L2HGDH: variants seen among roughly 807,000 people sequenced by gnomAD.
L2HGDH encodes L-2-hydroxyglutarate dehydrogenase.
Under a neutral mutation model 51.5 loss-of-function variants are expected in L2HGDH, and 34 were observed. That is an observed-to-expected ratio of 0.66 (90% CI 0.50 to 0.88). The LOEUF (loss-of-function observed/expected upper bound fraction) is 0.88, where lower values mean the gene tolerates loss of function less well. Ranked by LOEUF, L2HGDH falls within the 40% of genes least tolerant of loss-of-function variation. The pLI, the probability that L2HGDH is intolerant of heterozygous loss-of-function variation, is 0.00. For missense variants in L2HGDH, 558 were observed against 571.9 expected (o/e 0.98, Z 0.25); for synonymous variants, 198 against 197.9 (o/e 1.00, Z -0.01).
rs772708646 is a variant in L2HGDH at position 50,283,420 on chromosome 14, A to AC, written c.703+450dup. ...CATTCAGTCTGCACCTTCTGTACCT[A>AC]CCTCTGGTTCTGCACCATACTCTAG... is the stretch of plus-strand genomic sequence containing the variant. On this transcript the variant is annotated intron_variant, in intron 5 of 9. Coordinates refer to ENST00000267436, the MANE Select transcript of L2HGDH (RefSeq NM_024884.3). Among the ~76,000 whole-genome samples the AC allele has an allele frequency of 9.2e-5, 14 of 151,984 alleles. No homozygotes were observed. In the South Asian group the frequency reaches 1.5e-3, roughly 16 times the overall value.
chr14:50,267,415 C>T (rs1382205344), intron 8 of L2HGDH, among the ~76,000 whole-genome samples: 3 of 152,136 alleles, frequency 2.0e-5, no homozygotes, highest in Non-Finnish European at 4.4e-5. Context: ...ATCTCCTGAC[C>T]TCATGATCCA....
intron 6 of L2HGDH, among the ~76,000 whole-genome samples, chr14:50,276,848 G>T (rs1381969460): frequency 6.6e-6 from 1 of 152,036 alleles, no homozygotes; most frequent in Non-Finnish European, 1.5e-5. Flanking sequence ...TCTAACACAG[G>T]GTTTCTCAAC....
chr14:50,282,669 G>A (rs868401906), intron 5 of L2HGDH, among the ~76,000 whole-genome samples: 1 of 152,096 alleles, frequency 6.6e-6, no homozygotes, highest in Non-Finnish European at 1.5e-5. Flanking sequence ...AAAAAAATGT[G>A]AGTAATAATG....
intron 8 of L2HGDH, among the ~76,000 whole-genome samples, chr14:50,265,937 C>T (rs1889309509): frequency 6.6e-6 from 1 of 151,936 alleles, no homozygotes; most frequent in Non-Finnish European, 1.5e-5. Context: ...ATCAATGAAT[C>T]AATGAAAATC....
rs1887960982 is a variant in L2HGDH, at chr14:50,245,683, A to G, written c.*1375T>C. 2.0e-6 allele frequency: 2 copies of G among 984,662 alleles called. No homozygotes were observed. The highest frequency in any genetic ancestry group is 5.2e-4 in the Middle Eastern group (1 of 1,936). The allele number at this position is 984,662 out of a possible 1,614,324, so 61.0% of individuals were successfully genotyped here. A position where few individuals can be genotyped will look rare whatever the true frequency, so the allele number is the denominator to read the frequency against. On this transcript the variant is annotated 3_prime_UTR_variant, in exon 10 of 10. Transcript: ENST00000267436. ...TACAATATAATGTATTTTCTTGTCT[A>G]TGAGAGACCAAACGAGCTTAGGTAG...
chr14:50,272,672 T>C (rs1030073169), intron 6 of L2HGDH, among the ~76,000 whole-genome samples: 1 of 152,130 alleles, frequency 6.6e-6, no homozygotes, highest in East Asian at 1.9e-4. Context: ...GTCTGACTCA[T>C]CAAGCCACAA....
Position 50,269,228 on chromosome 14 carries a change from A to T in L2HGDH, c.841T>A (p.Phe281Ile). ...GCTPDPRIVP[F>I]RGDYLLLKPE... ...TTCAAAAGCAGGTAATCTCCCCGGA[A>T]TGGTACAATTCGAGGATCAGGAGTG... Residue 281 changes from phenylalanine (F) to isoleucine (I), a missense_variant, in exon 7 of 10, where the codon TTC (phenylalanine) becomes ATC (isoleucine). By Grantham distance (21) the Phe-to-Ile change is conservative. Transcript: ENST00000267436. 1 of 1,614,004 alleles carries T rather than the reference A, an allele frequency of 6.2e-7. No homozygotes were observed. Among genetic ancestry groups the T allele is most frequent in the Non-Finnish European group, 8.5e-7 (1 of 1,179,916 alleles).
intron 1 of L2HGDH, among the ~76,000 whole-genome samples, chr14:50,304,361 A>G (rs1306924563): frequency 1.3e-5 from 2 of 152,234 alleles, no homozygotes; most frequent in Non-Finnish European, 2.9e-5. Flanking sequence ...ATTCCAATGT[A>G]GTACTCTTGA....
chr14:50,262,287 G>A (rs547144773), intron 9 of L2HGDH, among the ~76,000 whole-genome samples: 2 of 151,930 alleles, frequency 1.3e-5, no homozygotes, highest in Admixed American at 1.3e-4. Flanking sequence ...AAAATTAGCT[G>A]GGCATGGTGG....
intron 9 of L2HGDH, among the ~76,000 whole-genome samples, chr14:50,249,139 A>T (rs1328618550): frequency 6.6e-6 from 1 of 152,216 alleles, no homozygotes; most frequent in East Asian, 1.9e-4. Context: ...GACAGGAAGC[A>T]TCCATCCCAG....
At chr14:50,306,237 G>A (rs1017810212) in intron 1 of L2HGDH, among the ~76,000 whole-genome samples, 9 of 151,950 alleles carry the variant, frequency 5.9e-5, no homozygotes, top group Admixed American at 4.6e-4. Flanking sequence ...TTTTAGTAGA[G>A]ACGGGGTTTC....
chr14:50,281,286 C>T (rs552023756), intron 5 of L2HGDH, among the ~76,000 whole-genome samples: 1 of 152,078 alleles, frequency 6.6e-6, no homozygotes, highest in African/African-American at 2.4e-5. Context: ...CTCTCCTTTC[C>T]AGCAGTATAA....
chr14:50,261,970 G>A (rs1487749602), intron 9 of L2HGDH, among the ~76,000 whole-genome samples: 1 of 152,040 alleles, frequency 6.6e-6, no homozygotes, highest in African/African-American at 2.4e-5. Context: ...GAAATTTAAG[G>A]ACACCATCCT....
chr14:50,311,359 A>C, intron 1 of L2HGDH: 1 of 456,066 alleles, frequency 2.2e-6, no homozygotes, highest in South Asian at 1.5e-5. Flanking sequence ...AGTCACACTC[A>C]TATGGCCCAC....
rs1386292901 is a variant in L2HGDH, at chr14:50,247,271, G to A, written c.1197-18C>T. The A allele has an allele frequency of 2.5e-6, 4 of 1,609,806 alleles. No individual in the cohort carries two copies. Among genetic ancestry groups the A allele is most frequent in the Non-Finnish European group, 3.4e-6 (4 of 1,177,634 alleles). ...CTGGGCCCCTGCAAAAGTAAAAGAT[G>A]GGAGTCAGCTGACTCAAAGACATAG... On this transcript the variant is annotated intron_variant, in intron 9 of 9. Coordinates refer to ENST00000267436, the MANE Select transcript of L2HGDH (RefSeq NM_024884.3).
At chr14:50,258,401 T>C (rs190119668) in intron 9 of L2HGDH, among the ~76,000 whole-genome samples, 1 of 152,172 alleles carries the variant, frequency 6.6e-6, no homozygotes, top group Admixed American at 6.5e-5. Context: ...TAAAAATATT[T>C]TTTTAGAGAC....
chr14:50,300,612 T>A (rs1307070647), intron 3 of L2HGDH, among the ~76,000 whole-genome samples: 6 of 151,954 alleles, frequency 3.9e-5, no homozygotes, highest in Non-Finnish European at 8.8e-5. Flanking sequence ...AACGTATACA[T>A]ACTTCAAAAC....
intron 4 of L2HGDH, among the ~76,000 whole-genome samples, chr14:50,284,747 C>G (rs1331385592): frequency 6.6e-6 from 1 of 152,094 alleles, no homozygotes; most frequent in Non-Finnish European, 1.5e-5. Flanking sequence ...AATCAATTTC[C>G]CCAAGAGGGT....
intron 2 of L2HGDH, 92 bp downstream of exon 2, chr14:50,302,810 C>T (rs899530646): frequency 2.2e-6 from 2 of 899,348 alleles, no homozygotes; most frequent in East Asian, 2.4e-5. Context: ...AACTAAGAAA[C>T]TAACACTGAC....
Sources: allele counts gnomAD v4.1 joint callset (sites outside exome capture counted in the v4.1 genomes callset), GRCh38; gene constraint gnomAD v4.1.1; transcripts MANE v1.5; gene names NCBI Gene and HGNC (gene_info 2026-07-23, HGNC 2026-07-21).